The following TAMM41 variants were observed in gnomAD, a reference collection of about 807,000 sequenced individuals.
TAMM41 encodes the protein TAM41 mitochondrial translocator assembly and maintenance homolog.
A neutral mutation model predicts 44.1 loss-of-function variants in TAMM41; 36 were observed. The ratio of observed to expected loss-of-function variants is 0.82; its 90% CI spans 0.63 to 1.08. The LOEUF is 1.08. Among genes scored for constraint, TAMM41 ranks in the 50% least tolerant of loss-of-function variants. TAMM41 has a pLI of 0.00. For synonymous variants in TAMM41, 164 were observed against 153.1 expected (o/e 1.07, Z -0.53); for missense variants, 417 against 404.3 (o/e 1.03, Z -0.27).
chr3:11,844,107 C>A lies in TAMM41; in HGVS notation c.240G>T (p.Gly80=). 3 of 1,614,166 alleles carry A rather than the reference C, an allele frequency of 1.9e-6. No individual in the cohort carries two copies. The highest frequency in any genetic ancestry group is 1.7e-5 in the Admixed American group (1 of 60,010). ...TCTGGATGGACGTGATAATCTTGGG[C>A]CCTAAAACTTTTAGGAAAGAGTAGT... is the stretch of plus-strand genomic sequence containing the variant. ...WSHYSFLKVL[G]PKIITSIQNN... Residue 80 remains glycine (G), a synonymous_variant, in exon 2 of 8, where the codon GGG becomes GGT. Transcript: ENST00000455809.
At chr3:11,823,331 C>CT (rs1239751061) in intron 4 of TAMM41, among the ~76,000 whole-genome samples, 3 of 149,286 alleles carry the variant, frequency 2.0e-5, no homozygotes, top group Non-Finnish European at 3.0e-5. Context: ...TCTTGGCTCA[C>CT]TGCAACCTCC....
At chr3:11,801,489 T>C (rs962088194) in intron 7 of TAMM41, among the ~76,000 whole-genome samples, 1 of 152,096 alleles carries the variant, frequency 6.6e-6, no homozygotes, top group Non-Finnish European at 1.5e-5. Context: ...CATGCACAGC[T>C]GCACAGCTAA....
At chr3:11,781,637 A>G in the TAMM41 span, among the ~76,000 whole-genome samples, 1 of 151,966 alleles carries the variant, frequency 6.6e-6, no homozygotes, top group East Asian at 1.9e-4. Flanking sequence ...CAGGAGGCTG[A>G]GGCAGGAGAA....
rs957874961 is a variant in TAMM41, at chr3:11,809,527, C to G, written c.864G>C (p.Val288=). Residue 288 remains valine, a synonymous_variant, in exon 6 of 8, where the codon GTG becomes GTC. Transcript: ENST00000455809. ...AATTCATAAACGTACCTAGTCGCAC[C>G]ACATCTCCACAGTCGGGATCATGAG... The part of the protein sequence containing the change: ...QVAHDPDCGD[V]VRLGLSAIVR... The G allele has an allele frequency of 3.1e-6, 5 of 1,613,578 alleles. No homozygotes were observed. Among genetic ancestry groups the G allele is most frequent in the Non-Finnish European group, 4.2e-6 (5 of 1,179,966 alleles).
rs1046051241 is a variant in TAMM41, at chr3:11,829,727, A to C, written c.549T>G (p.Gly183=). 1 of 1,614,026 alleles carries C rather than the reference A, an allele frequency of 6.2e-7. No homozygotes were observed. The highest frequency in any genetic ancestry group is 8.5e-7 in the Non-Finnish European group (1 of 1,180,024). Residue 183 remains glycine (G), a synonymous_variant, in exon 4 of 8, where the codon GGT becomes GGG. Transcript: ENST00000455809. Reference sequence around the variant, plus strand: ...AACCATACTAACCTGAATAGGAGAGACCGGCAATCTCTATGAAGAGGTCTT... The same window carrying C: ...AACCATACTAACCTGAATAGGAGAGCCCGGCAATCTCTATGAAGAGGTCTT... The part of the protein sequence containing the change: ...SEEDLFIEIA[G]LSYSGDFRMV...
chr3:11,732,027 G>T, the TAMM41 span, among the ~76,000 whole-genome samples: 13 of 152,002 alleles, frequency 8.6e-5, no homozygotes, highest in East Asian at 2.5e-3. Flanking sequence ...TCACCATGCC[G>T]GGCTAATTTT....
intron 7 of TAMM41, among the ~76,000 whole-genome samples, chr3:11,797,781 C>G (rs956080297): frequency 1.2e-4 from 18 of 152,116 alleles, no homozygotes; most frequent in Non-Finnish European, 1.5e-4. Flanking sequence ...CTATAAAGAA[C>G]CTAAACAAAT....
chr3:11,801,995 C>T (rs559098994), intron 7 of TAMM41, among the ~76,000 whole-genome samples: 5 of 152,126 alleles, frequency 3.3e-5, no homozygotes, highest in East Asian at 1.9e-4. Context: ...CTGAGGCTGG[C>T]GGATCGAGAT....
chr3:11,762,561 C>G, the TAMM41 span, among the ~76,000 whole-genome samples: 1 of 152,210 alleles, frequency 6.6e-6, no homozygotes, highest in African/African-American at 2.4e-5. Context: ...AACTTAGACT[C>G]CCACTACTGT....
chr3:11,725,307 T>TC, the TAMM41 span, among the ~76,000 whole-genome samples: 1 of 75,544 alleles, frequency 1.3e-5, no homozygotes, highest in African/African-American at 4.8e-5. Flanking sequence ...TCCTCCTCCT[T>TC]TTTTTCTTCT....
At chr3:11,775,497 G>A in the TAMM41 span, among the ~76,000 whole-genome samples, 1 of 152,180 alleles carries the variant, frequency 6.6e-6, no homozygotes, top group East Asian at 1.9e-4. Context: ...GTGTGCAAAT[G>A]GTTATAGATT....
At chr3:11,834,476 T>TAA (rs34713967) in intron 3 of TAMM41, among the ~76,000 whole-genome samples, 2 of 152,172 alleles carry the variant, frequency 1.3e-5, no homozygotes, top group Non-Finnish European at 2.9e-5. Flanking sequence ...TTTCTTGGCT[T>TAA]AAAAAAAGTT....
chr3:11,839,335 C>A, intron 2 of TAMM41, 21 bp from the exon 3 acceptor site: 1 of 1,490,656 alleles, frequency 6.7e-7, no homozygotes, highest in Non-Finnish European at 9.3e-7. Context: ...AAAGAAATGG[C>A]ACAAAACGGA....
chr3:11,738,147 A>G, the TAMM41 span, among the ~76,000 whole-genome samples: 1 of 152,234 alleles, frequency 6.6e-6, no homozygotes, highest in African/African-American at 2.4e-5. Context: ...AACATCAAAA[A>G]TATTAACTTT....
the TAMM41 span, among the ~76,000 whole-genome samples, chr3:11,729,538 C>CTTTTTTTTTTTTTTTTT: frequency 1.1e-3 from 69 of 65,530 alleles, 13 homozygotes; most frequent in African/African-American, 3.2e-3. Flanking sequence ...TTCTTTCTTT[C>CTTTTTTTTTTTTTTTTT]ATTTTTTTTT....
the TAMM41 span, among the ~76,000 whole-genome samples, chr3:11,729,521 CTTTCTTTTCTTTCTTTCATTTTTT>C: frequency 5.1e-3 from 475 of 93,910 alleles, 22 homozygotes; most frequent in Middle Eastern, 0.026. Context: ...TTCTTTCTTT[CTTTCTTTTCTTTCTTTCATTTTTT>C]TTTTTTTTTT....
the TAMM41 span, among the ~76,000 whole-genome samples, chr3:11,723,724 T>C: frequency 6.6e-6 from 1 of 152,180 alleles, no homozygotes; most frequent in African/African-American, 2.4e-5. Context: ...ACCACAAGTT[T>C]AAAAAATGTA....
chr3:11,772,497 G>A, the TAMM41 span, among the ~76,000 whole-genome samples: 1 of 152,138 alleles, frequency 6.6e-6, no homozygotes, highest in Admixed American at 6.6e-5. Flanking sequence ...ATGGCCTCCA[G>A]TTCCATGTTG....
chr3:11,796,870 G>T (rs2077618371), intron 7 of TAMM41, among the ~76,000 whole-genome samples: 1 of 113,582 alleles, frequency 8.8e-6, no homozygotes, highest in South Asian at 3.0e-4. Flanking sequence ...AACAACAACA[G>T]TCAAGCCAAG....
Sources: gnomAD v4.1 joint callset for allele counts (sites outside exome capture counted in the v4.1 genomes callset) on GRCh38, gnomAD v4.1.1 for gene constraint, MANE v1.5 for transcripts, NCBI Gene and HGNC (gene_info 2026-07-23, HGNC 2026-07-21) for gene names.